SLC12A7: variants seen among roughly 807,000 people sequenced by gnomAD.
The protein encoded by SLC12A7 is solute carrier family 12 member 7.
In SLC12A7, 100 loss-of-function variants were observed where a neutral mutation model predicts 120.6. That is an observed-to-expected ratio of 0.83 (90% confidence interval 0.71 to 0.98). SLC12A7 has a LOEUF of 0.98. SLC12A7 is among the 50% of genes least tolerant of loss of function. The pLI is 0.00. For synonymous variants in SLC12A7, 760 were observed against 678.0 expected, an observed-to-expected ratio of 1.12 and a Z score of -1.88; for missense variants, 1,373 against 1,548.1, an observed-to-expected ratio of 0.89 and a Z score of 1.90.
chr5:1,074,467 G>C, intron 16 of SLC12A7, 100 bp downstream of exon 16: 1 of 1,108,366 alleles, frequency 9.0e-7, no homozygotes, highest in Non-Finnish European at 1.3e-6. Context: ...AGCGGCTGAA[G>C]GTGAGAGGCC....
In SLC12A7 at chr5:1,076,683, TG is replaced by T. The variant is rs1165987347; in HGVS notation, c.1748+10del. The T allele has an allele frequency of 6.3e-7, 1 of 1,597,780 alleles. No homozygotes were observed. Among genetic ancestry groups the T allele is most frequent in the African/African-American group, 1.3e-5 (1 of 74,654 alleles). On this transcript the variant is annotated intron_variant, in intron 13 of 23. Transcript: ENST00000264930. ...CACCCATCCCCAGGTCCCCGTCCTG[TG>T]GGGGCTCACATGGAGAGGATCGGGG...
At position 1,074,652 on chromosome 5, in the gene SLC12A7, C is replaced by T. The variant is rs528117289; in HGVS notation, c.1987G>A (p.Asp663Asn). The change falls in exon 16 of 24, where the codon GAT (aspartate) becomes AAT (asparagine). Residue 663 changes from aspartate (D) to asparagine (N), a missense_variant. Asp to Asn is a conservative substitution (Grantham distance 23). Coordinates refer to ENST00000264930, the MANE Select transcript of SLC12A7 (RefSeq NM_006598.3). Reference protein sequence around the residue: ...EYRGAEKEWGDGIRGLSLNAA... With the variant: ...EYRGAEKEWGNGIRGLSLNAA... ...TTCAGGGATAGGCCACGGATGCCAT[C>T]GCCCCACTCCTTCTCGGCCCTGTGG... is the stretch of plus-strand genomic sequence containing the variant. 17 of 1,612,708 alleles carry T rather than the reference C, an allele frequency of 1.1e-5. No homozygotes were observed. Among genetic ancestry groups the T allele is most frequent in the South Asian group, 5.5e-5 (5 of 91,066 alleles).
chr5:1,120,867 C>T, the SLC12A7 span, among the ~76,000 whole-genome samples: 1 of 152,236 alleles, frequency 6.6e-6, no homozygotes, highest in Non-Finnish European at 1.5e-5. Context: ...AGTCCCTGTG[C>T]AGCAGAGACG....
At chr5:1,086,390 C>G (rs1322981224) in intron 6 of SLC12A7, among the ~76,000 whole-genome samples, 3 of 152,160 alleles carry the variant, frequency 2.0e-5, no homozygotes, top group East Asian at 3.9e-4. Context: ...CCACGAGGAC[C>G]AAGGAACTCA....
At chr5:1,108,880 CCT>C (rs1204153982) in intron 1 of SLC12A7, among the ~76,000 whole-genome samples, 2 of 152,146 alleles carry the variant, frequency 1.3e-5, no homozygotes, top group Non-Finnish European at 2.9e-5. Flanking sequence ...CGCAACCGGG[CCT>C]CTGTCAGCGG....
intron 2 of SLC12A7, among the ~76,000 whole-genome samples, chr5:1,093,859 A>G (rs1034399469): frequency 6.6e-6 from 1 of 152,128 alleles, no homozygotes; most frequent in Non-Finnish European, 1.5e-5. Context: ...GGGGCCACCC[A>G]CCCATGGCAG....
At chr5:1,073,572 C>T (rs1309241618) in intron 17 of SLC12A7, 61 bp downstream of exon 17, 4 of 1,523,578 alleles carry the variant, frequency 2.6e-6, no homozygotes, top group African/African-American at 1.4e-5. Flanking sequence ...CATGCCAGGG[C>T]ACGTTTCCTG....
the SLC12A7 span, among the ~76,000 whole-genome samples, chr5:1,122,278 G>A: frequency 5.3e-5 from 8 of 152,300 alleles, no homozygotes; most frequent in East Asian, 7.7e-4. Flanking sequence ...TGTGCGAGGC[G>A]GGGTGGGATT....
chr5:1,127,538 C>A, the SLC12A7 span, among the ~76,000 whole-genome samples: 3 of 152,226 alleles, frequency 2.0e-5, no homozygotes, highest in Non-Finnish European at 4.4e-5. Context: ...ACTGAGAAGG[C>A]AGATCTGTGA....
rs552391726 is a variant in SLC12A7, at chr5:1,090,992, C to T, written c.343-1864G>A. ...GCCCCTGCCCTTCCACCCCAGGGGC[C>T]GAGCCACGGTCCCCTAAGGGAGCCG... On this transcript the variant is annotated intron_variant, in intron 3 of 23. Coordinates refer to ENST00000264930, the MANE Select transcript of SLC12A7 (RefSeq NM_006598.3). 4.6e-5 allele frequency among the ~76,000 whole-genome samples: 7 copies of T among 152,286 alleles called. No individual in the cohort carries two copies. In the South Asian group the frequency reaches 8.3e-4, roughly 18 times the overall value.
chr5:1,053,440 G>A lies in SLC12A7; in HGVS notation c.3069C>T (p.Leu1023=), dbSNP rs1399092769. 6.2e-7 allele frequency: 1 copy of A among 1,613,896 alleles called. No homozygotes were observed. Among genetic ancestry groups the A allele is most frequent in the Non-Finnish European group, 8.5e-7 (1 of 1,180,008 alleles). ...NVRRMHTAVK[L]NGVVLNKSQD... ...GGGACTTGTTGAGGACGACGCCATTGAGCTTCACAGCCGTGTGCATCCGCC... is the reference window on the plus strand; with the variant it reads ...GGGACTTGTTGAGGACGACGCCATTAAGCTTCACAGCCGTGTGCATCCGCC... The change falls in exon 23 of 24, where the codon CTC becomes CTT. Residue 1023 remains leucine, a synonymous_variant. Transcript: ENST00000264930.
At position 1,083,711 on chromosome 5, in the gene SLC12A7, C is replaced by T. The variant is rs567782099; in HGVS notation, c.1129+34G>A. 40 of 1,603,452 alleles carry T rather than the reference C, an allele frequency of 2.5e-5. 1 individual carries two copies. The East Asian group carries it at 8.5e-4, about 34-fold the overall frequency. ...GGCCAGCGCCTGCTGCCCCCGCCAC[C>T]CCCCAGCTCCAGCTGCAGCCCTGTG... On this transcript the variant is annotated intron_variant, in intron 8 of 23. Coordinates refer to ENST00000264930, the MANE Select transcript of SLC12A7 (RefSeq NM_006598.3).
chr5:1,115,840 C>T (rs576353170), upstream of SLC12A7, among the ~76,000 whole-genome samples: 13 of 128,274 alleles, frequency 1.0e-4, no homozygotes, highest in South Asian at 1.7e-3. Context: ...GAAGGAGAAT[C>T]GGGGGAAGGG....
intron 17 of SLC12A7, among the ~76,000 whole-genome samples, chr5:1,068,411 G>A (rs1249866212): frequency 1.3e-5 from 2 of 150,762 alleles, no homozygotes; most frequent in East Asian, 1.9e-4. Flanking sequence ...TGCAGCCTGG[G>A]CAACAGAGGG....
chr5:1,097,840 A>G (rs183269563), intron 1 of SLC12A7, among the ~76,000 whole-genome samples: 2 of 152,212 alleles, frequency 1.3e-5, no homozygotes, highest in African/African-American at 2.4e-5. Flanking sequence ...AAGAGAACGC[A>G]TCTCCCCTCA....
At chr5:1,112,318 T>G (rs1743089479), upstream of SLC12A7, among the ~76,000 whole-genome samples, 3 of 19,698 alleles carry the variant, frequency 1.5e-4, no homozygotes, top group Admixed American at 6.0e-4. Flanking sequence ...CTGCCCCTCC[T>G]GCTGGAACTC....
intron 12 of SLC12A7, among the ~76,000 whole-genome samples, chr5:1,077,283 C>A (rs1339691887): frequency 6.6e-6 from 1 of 152,210 alleles, no homozygotes; most frequent in Non-Finnish European, 1.5e-5. Flanking sequence ...CGGCACCCTG[C>A]CGAGGGACCA....
intron 3 of SLC12A7, among the ~76,000 whole-genome samples, chr5:1,090,458 G>A (rs1001739482): frequency 1.3e-5 from 2 of 152,164 alleles, no homozygotes; most frequent in African/African-American, 2.4e-5. Flanking sequence ...GCTGGGGGCC[G>A]CTGCTGGGCC....
chr5:1,093,013 C>G (rs1373528253), intron 3 of SLC12A7, among the ~76,000 whole-genome samples: 1 of 152,148 alleles, frequency 6.6e-6, no homozygotes, highest in East Asian at 1.9e-4. Flanking sequence ...AGAAACCACT[C>G]AAGGGAAACC....
Sources: allele counts gnomAD v4.1 joint callset (sites outside exome capture counted in the v4.1 genomes callset), GRCh38; gene constraint gnomAD v4.1.1; transcripts MANE v1.5; gene names NCBI Gene and HGNC (gene_info 2026-07-23, HGNC 2026-07-21).